The following CENPA variants were observed in gnomAD, a reference collection of about 807,000 sequenced individuals.
CENPA encodes the protein histone H3-like centromeric protein A.
CENPA carries 7 observed loss-of-function variants against 17.2 expected under a neutral mutation model. The observed-to-expected ratio is 0.41, with a 90% CI of 0.23 to 0.76. The LOEUF is 0.76. Among genes scored for constraint, CENPA ranks in the 30% least tolerant of loss-of-function variants. The pLI, the probability that CENPA is intolerant of heterozygous loss-of-function variation, is 0.34. For missense variants in CENPA, 149 were observed against 193.1 expected, an observed-to-expected ratio of 0.77 and a Z score of 1.35; for synonymous variants, 82 against 77.4, an observed-to-expected ratio of 1.06 and a Z score of -0.31.
intron 3 of CENPA, 73 bp downstream of exon 3, chr2:26,792,906 T>C: frequency 1.5e-6 from 2 of 1,377,542 alleles, no homozygotes; most frequent in South Asian, 2.3e-5. Context: ...TCTCCAGTGC[T>C]GACTGGAGTG....
At chr2:26,790,811 C>T (rs1489559552) in intron 1 of CENPA, among the ~76,000 whole-genome samples, 3 of 151,044 alleles carry the variant, frequency 2.0e-5, no homozygotes, top group Non-Finnish European at 4.4e-5. Flanking sequence ...ATGGTCTCCT[C>T]TGCTGGCTGC....
In CENPA at chr2:26,793,411, C is replaced by T. The variant is rs1199510872; in HGVS notation, c.*47+85C>T. 8.2e-6 allele frequency: 10 copies of T among 1,222,496 alleles called. No individual in the cohort carries two copies. In the East Asian group the frequency reaches 2.4e-4, roughly 29 times the overall value. The allele number at this position is 1,222,496 out of a possible 1,614,324, so 75.7% of individuals were successfully genotyped here. A position where few individuals can be genotyped will look rare whatever the true frequency, so the allele number is the denominator to read the frequency against. On this transcript the variant is annotated intron_variant, in intron 4 of 4. Coordinates refer to ENST00000335756, the MANE Select transcript of CENPA (RefSeq NM_001809.4). ...CATCCATAGTCCCTTGTCACCTCGCCTTCCCTTTGTTCTCTAGTAAAGGTT... is the reference window on the plus strand; with the variant it reads ...CATCCATAGTCCCTTGTCACCTCGCTTTCCCTTTGTTCTCTAGTAAAGGTT...
chr2:26,787,997 T>A (rs1234108715), intron 1 of CENPA, among the ~76,000 whole-genome samples: 4 of 152,344 alleles, frequency 2.6e-5, no homozygotes, highest in East Asian at 3.9e-4. Flanking sequence ...GTTTTGGTCA[T>A]CTTTGTCTTG....
At chr2:26,790,645 A>T (rs1454697779) in intron 1 of CENPA, among the ~76,000 whole-genome samples, 1 of 152,226 alleles carries the variant, frequency 6.6e-6, no homozygotes, top group Non-Finnish European at 1.5e-5. Context: ...TTTATTAAAG[A>T]CTGCCTCCAG....
intron 2 of CENPA, 71 bp from the exon 3 acceptor site, chr2:26,792,685 C>T: frequency 8.1e-7 from 1 of 1,229,662 alleles, no homozygotes; most frequent in Non-Finnish European, 1.2e-6. Context: ...TCATGGAGAG[C>T]ATCATTGTCC....
chr2:26,790,061 A>G (rs1261971590), intron 1 of CENPA, among the ~76,000 whole-genome samples: 1 of 152,192 alleles, frequency 6.6e-6, no homozygotes, highest in Non-Finnish European at 1.5e-5. Context: ...CTAATTGGTT[A>G]CTTTTCATAA....
At chr2:26,786,508 G>T (rs944428332) in intron 1 of CENPA, among the ~76,000 whole-genome samples, 1 of 152,262 alleles carries the variant, frequency 6.6e-6, no homozygotes, top group Non-Finnish European at 1.5e-5. Flanking sequence ...TAGCCACTTG[G>T]CTCCTAACGC....
rs940437948 is a variant in CENPA at position 26,792,418 on chromosome 2, G to A, written c.210+178G>A. On this transcript the variant is annotated intron_variant, in intron 2 of 4. Transcript: ENST00000335756. ...CAAGAGCACCTTGTAATTCTTTATGGAATTGATTTCTAACCTCTACTACCT... is the reference window on the plus strand; with the variant it reads ...CAAGAGCACCTTGTAATTCTTTATGAAATTGATTTCTAACCTCTACTACCT... 2.7e-5 allele frequency: 19 copies of A among 701,288 alleles called. No individual in the cohort carries two copies. The Admixed American group carries it at 3.9e-4, about 14-fold the overall frequency. The allele number at this position is 701,288 out of a possible 1,614,324, so 43.4% of individuals were successfully genotyped here.
At chr2:26,789,964 A>G (rs1664585360) in intron 1 of CENPA, among the ~76,000 whole-genome samples, 1 of 152,178 alleles carries the variant, frequency 6.6e-6, no homozygotes, top group South Asian at 2.1e-4. Flanking sequence ...GCTTCTTATT[A>G]CAGTAGGATT....
At chr2:26,788,657 G>GTT (rs1664558443) in intron 1 of CENPA, among the ~76,000 whole-genome samples, 1 of 151,646 alleles carries the variant, frequency 6.6e-6, no homozygotes, top group African/African-American at 2.4e-5. Flanking sequence ...TAGTATTTAT[G>GTT]ATGTTTTGTT....
chr2:26,792,284 T>G lies in CENPA; in HGVS notation c.210+44T>G, dbSNP rs201807511. Reference sequence around the variant, plus strand: ...CCACCAACCCCTATGCCACCCTCCTTTTTTTAAATTTTCCCAGGTATTAGG... The same window carrying G: ...CCACCAACCCCTATGCCACCCTCCTGTTTTTAAATTTTCCCAGGTATTAGG... On this transcript the variant is annotated intron_variant, in intron 2 of 4. Transcript: ENST00000335756. 1.5e-4 allele frequency: 221 copies of G among 1,488,330 alleles called. No individual in the cohort carries two copies. In the East Asian group the frequency reaches 4.9e-3, roughly 33 times the overall value. The allele number at this position is 1,488,330 out of a possible 1,614,324, so 92.2% of individuals were successfully genotyped here.
In CENPA at chr2:26,793,323, G is replaced by A. The variant is rs570315056; in HGVS notation, c.*44G>A. The A allele has an allele frequency of 1.9e-6, 3 of 1,607,684 alleles. No individual in the cohort carries two copies. Among genetic ancestry groups the A allele is most frequent in the Non-Finnish European group, 2.5e-6 (3 of 1,177,594 alleles). On this transcript the variant is annotated 3_prime_UTR_variant, in exon 4 of 5. Transcript: ENST00000335756. ...TCTGTCAGTCTTTCCTGCTCAGCCA[G>A]GGGGTAAGCTCATCCTCTTTCACAG...
chr2:26,790,933 G>C (rs1664604768), intron 1 of CENPA, among the ~76,000 whole-genome samples: 1 of 152,260 alleles, frequency 6.6e-6, no homozygotes, highest in African/African-American at 2.4e-5. Flanking sequence ...ACTTGGTGTA[G>C]AGTCTCTTTG....
intron 1 of CENPA, among the ~76,000 whole-genome samples, chr2:26,788,983 G>A (rs200559594): frequency 6.6e-6 from 1 of 152,132 alleles, no homozygotes; most frequent in Non-Finnish European, 1.5e-5. Context: ...CCGTATTTAC[G>A]ATCTTAAGAG....
intron 3 of CENPA, 66 bp from the exon 4 acceptor site, chr2:26,793,078 AG>A: frequency 6.3e-7 from 1 of 1,588,904 alleles, no homozygotes; most frequent in Non-Finnish European, 8.6e-7. Flanking sequence ...TAAGTTTAGC[AG>A]GTTTCCAAAA....
chr2:26,788,928 GC>G (rs1442980141), intron 1 of CENPA, among the ~76,000 whole-genome samples: 2 of 152,172 alleles, frequency 1.3e-5, no homozygotes, highest in Non-Finnish European at 2.9e-5. Context: ...GCCCACCTTG[GC>G]CTCCCAGAGT....
chr2:26,790,392 G>A (rs1324552308), intron 1 of CENPA, among the ~76,000 whole-genome samples: 2 of 152,032 alleles, frequency 1.3e-5, no homozygotes, highest in Admixed American at 6.5e-5. Context: ...AGTGGTGCGA[G>A]CTTGGCTCAC....
intron 4 of CENPA, 62 bp downstream of exon 4, chr2:26,793,388 T>A: frequency 6.9e-7 from 1 of 1,449,502 alleles, no homozygotes; most frequent in South Asian, 1.3e-5. Context: ...CCTTTCTCCA[T>A]CCATAGTCCC....
intron 1 of CENPA, among the ~76,000 whole-genome samples, chr2:26,787,636 C>G (rs1020657479): frequency 2.0e-5 from 3 of 152,124 alleles, no homozygotes; most frequent in African/African-American, 7.2e-5. Context: ...CCAGCTCAGC[C>G]TCCCGAGTAG....
Sources: allele counts gnomAD v4.1 joint callset (sites outside exome capture counted in the v4.1 genomes callset), GRCh38; gene constraint gnomAD v4.1.1; transcripts MANE v1.5; gene names NCBI Gene and HGNC (gene_info 2026-07-23, HGNC 2026-07-21).